The following TECTA variants were observed in gnomAD, a reference collection of about 807,000 sequenced individuals.
The protein encoded by TECTA is tectorin alpha, also known as alpha-tectorin.
TECTA carries 128 observed loss-of-function variants against 216.8 expected under a neutral mutation model. That is an observed-to-expected ratio of 0.59 (90% CI 0.51 to 0.68). TECTA has a LOEUF of 0.68. Ranked by LOEUF, TECTA falls within the 30% of genes least tolerant of loss-of-function variation. The pLI, the probability that TECTA is intolerant of heterozygous loss-of-function variation, is 0.00. For missense variants in TECTA, 2,551 were observed against 2,786.2 expected (o/e 0.92, Z 1.90); for synonymous variants, 1,089 against 1,117.1 (o/e 0.97, Z 0.50).
chr11:121,148,406 A>C (rs1946860184), intron 12 of TECTA, among the ~76,000 whole-genome samples: 1 of 152,134 alleles, frequency 6.6e-6, no homozygotes, highest in Admixed American at 6.5e-5. Context: ...AATAGGAGAA[A>C]AAATATATGT....
At chr11:121,137,319 C>T in intron 10 of TECTA, 102 bp from the exon 11 acceptor site, 1 of 1,500,790 alleles carries the variant, frequency 6.7e-7, no homozygotes, top group Non-Finnish European at 9.2e-7. Flanking sequence ...CGCACATGCA[C>T]TCACAAACAC....
rs374433001 is a variant in TECTA, at chr11:121,130,219, G to C, written c.2941+8G>C. 6.3e-7 allele frequency: 1 copy of C among 1,599,718 alleles called. No individual in the cohort carries two copies. Among genetic ancestry groups the C allele is most frequent in the Non-Finnish European group, 8.5e-7 (1 of 1,179,854 alleles). On this transcript the variant is annotated splice_region_variant and intron_variant, in intron 10 of 23. Transcript: ENST00000392793. ...GGACCTATGACTTCTGCCGTAAGTTGGGGTTGGATTCTGGGAGAGGCTTTC... is the reference window on the plus strand; with the variant it reads ...GGACCTATGACTTCTGCCGTAAGTTCGGGTTGGATTCTGGGAGAGGCTTTC...
Position 121,127,808 on chromosome 11 carries a change from C to G in TECTA, c.1831C>G (p.Pro611Ala). ...CTACTCCGTGTGCACAAGCAGCTGC[C>G]CCGACACATGCTCCGACCTGACGGC... ...SHYSVCTSSC[P>A]DTCSDLTASR... Residue 611 changes from proline to alanine, a missense_variant, in exon 9 of 24, where the codon CCC (proline) becomes GCC (alanine). Transcript: ENST00000392793. The surrounding 1 kb of genome is among the most constrained non-coding windows in gnomAD (Gnocchi z 5.0). The G allele has an allele frequency of 6.2e-7, 1 of 1,614,204 alleles. No individual in the cohort carries two copies.
At chr11:121,135,926 C>T (rs946351635) in intron 10 of TECTA, among the ~76,000 whole-genome samples, 2 of 151,594 alleles carry the variant, frequency 1.3e-5, no homozygotes, top group African/African-American at 4.9e-5. Context: ...CCTACCACTA[C>T]ATGGTGAGTA....
At chr11:121,157,767 G>A (rs1312752853) in intron 13 of TECTA, 74 bp from the exon 14 acceptor site, 3 of 1,607,632 alleles carry the variant, frequency 1.9e-6, no homozygotes, top group Non-Finnish European at 2.5e-6. Context: ...GATAAAAGAC[G>A]AGGGGGACTG....
chr11:121,150,167 C>G (rs770614569), intron 12 of TECTA, among the ~76,000 whole-genome samples: 1 of 152,042 alleles, frequency 6.6e-6, no homozygotes, highest in Non-Finnish European at 1.5e-5. Context: ...GAAAGACCAA[C>G]CAACGGAAAG....
chr11:121,135,555 T>C (rs1440029248), intron 10 of TECTA, among the ~76,000 whole-genome samples: 1 of 152,224 alleles, frequency 6.6e-6, no homozygotes, highest in Non-Finnish European at 1.5e-5. Flanking sequence ...CCGTGTGGTA[T>C]TGTAGTCAAT....
chr11:121,118,211 T>A, intron 6 of TECTA, 95 bp from the exon 7 acceptor site: 1 of 1,503,794 alleles, frequency 6.6e-7, no homozygotes, highest in South Asian at 1.2e-5. Context: ...CTTACGTGGA[T>A]TAAATGGTAT....
chr11:121,140,570 C>T (rs1036011706), intron 11 of TECTA, among the ~76,000 whole-genome samples: 1 of 152,190 alleles, frequency 6.6e-6, no homozygotes, highest in African/African-American at 2.4e-5. Flanking sequence ...CACAGAAACT[C>T]GTTCTCTCAC....
chr11:121,175,677 G>A (rs1477433405), intron 20 of TECTA, among the ~76,000 whole-genome samples: 7 of 152,314 alleles, frequency 4.6e-5, no homozygotes, highest in Middle Eastern at 3.4e-3. Context: ...TGTTGATTTG[G>A]GGCGGAGAGT....
intron 17 of TECTA, among the ~76,000 whole-genome samples, chr11:121,166,209 G>T (rs1323872464): frequency 6.6e-6 from 1 of 152,168 alleles, no homozygotes; most frequent in Admixed American, 6.5e-5. Context: ...GGCCAGTGCT[G>T]CTGTCCCTTG....
chr11:121,166,636 C>G lies in TECTA; in HGVS notation c.5442C>G (p.Ser1814=). Residue 1814 remains serine (S), a synonymous_variant, in exon 18 of 24, where the codon TCC becomes TCG. Transcript: ENST00000392793. ...GCAAAGCAGCCCAAATGGAAGTGTC[C>G]ATATCTAAGTGCAAGCTCTTCCAGC... ...VTCKAAQMEV[S]ISKCKLFQLG... is the part of the protein sequence containing the mutation. 4 of 1,614,148 alleles carry G rather than the reference C, an allele frequency of 2.5e-6. No individual in the cohort carries two copies. Among genetic ancestry groups the G allele is most frequent in the Non-Finnish European group, 3.4e-6 (4 of 1,180,022 alleles).
In TECTA at chr11:121,162,089, G is replaced by A; in HGVS notation, c.4991G>A (p.Ser1664Asn). 4 of 1,614,088 alleles carry A rather than the reference G, an allele frequency of 2.5e-6. No individual in the cohort carries two copies. The highest frequency in any genetic ancestry group is 3.4e-6 in the Non-Finnish European group (4 of 1,180,050). ...AGTCTGACCAGACCTCTTGCCCCCA[G>A]CTGCAACGAGCTGCAGTTCTCACAG... is the stretch of plus-strand genomic sequence containing the variant. ...NGMQKRPLAP[S>N]CNELQFSQYA... Residue 1664 changes from serine (S) to asparagine (N), a missense_variant, in exon 16 of 24, where the codon AGC becomes AAC. Physicochemically the swap from Ser to Asn is conservative, Grantham distance 46. Coordinates refer to ENST00000392793, the MANE Select transcript of TECTA (RefSeq NM_005422.4).
At position 121,113,161 on chromosome 11, in the gene TECTA, G is replaced by A. The variant is rs367603153; in HGVS notation, c.576G>A (p.Thr192=). The A allele has an allele frequency of 1.2e-6, 2 of 1,613,794 alleles. No individual in the cohort carries two copies. Among genetic ancestry groups the A allele is most frequent in the Middle Eastern group, 1.6e-4 (1 of 6,062 alleles). ...ACGAAATCAACTGGACCACGGGGAC[G>A]GCGAGTGGCGGCGACCCCCTGACAG... ...NYYEINWTTG[T]ASGGDPLTGL... is the part of the protein sequence containing the mutation. Residue 192 remains threonine (T), a synonymous_variant, in exon 5 of 24, where the codon ACG becomes ACA. Transcript: ENST00000392793. The surrounding 1 kb of genome is among the most constrained non-coding windows in gnomAD (Gnocchi z 4.2).
rs780447687 is a variant in TECTA, at chr11:121,118,750, G to A, written c.1203+32G>A. ...CCCTTTCTATCCTTCACGGGGAAAT[G>A]GAGAAGCTGGAGATTCTTCAGCCTA... On this transcript the variant is annotated intron_variant, in intron 7 of 23. Transcript: ENST00000392793. The A allele has an allele frequency of 1.9e-6, 3 of 1,611,344 alleles. No individual in the cohort carries two copies. The South Asian group carries it at 3.3e-5, about 18-fold the overall frequency.
At chr11:121,169,999 C>G (rs1947095162) in intron 20 of TECTA, among the ~76,000 whole-genome samples, 1 of 152,174 alleles carries the variant, frequency 6.6e-6, no homozygotes, top group African/African-American at 2.4e-5. Context: ...TAACCAACCT[C>G]TCTTCATCCC....
At chr11:121,145,271 A>G (rs1254531178) in intron 11 of TECTA, among the ~76,000 whole-genome samples, 5 of 152,206 alleles carry the variant, frequency 3.3e-5, no homozygotes, top group African/African-American at 1.2e-4. Flanking sequence ...TTACCTTTAC[A>G]TTACCTTGGA....
chr11:121,140,948 G>C (rs1049165910), intron 11 of TECTA: 1 of 152,184 alleles, frequency 6.6e-6, no homozygotes, highest in African/African-American at 2.4e-5. Context: ...ATTTCTTTTG[G>C]GGGGACACAG....
chr11:121,154,343 G>A (rs1411677741), intron 13 of TECTA, among the ~76,000 whole-genome samples: 2 of 152,300 alleles, frequency 1.3e-5, no homozygotes, highest in South Asian at 2.1e-4. Context: ...TAGAAAGACA[G>A]GGAGGAAGTA....
Sources: allele counts gnomAD v4.1 joint callset (sites outside exome capture counted in the v4.1 genomes callset), GRCh38; gene constraint gnomAD v4.1.1; non-coding constraint Gnocchi (gnomAD v3.1); transcripts MANE v1.5; gene names NCBI Gene and HGNC (gene_info 2026-07-23, HGNC 2026-07-21).